IL1RAPL1: variants seen among roughly 807,000 people sequenced by gnomAD.
IL1RAPL1 encodes the protein interleukin 1 receptor accessory protein like 1.
In IL1RAPL1, 3 loss-of-function variants were observed where a neutral mutation model predicts 48.4. The ratio of observed to expected loss-of-function variants is 0.06; its 90% CI spans 0.03 to 0.16. The LOEUF (loss-of-function observed/expected upper bound fraction) is 0.16. Ranked by LOEUF, IL1RAPL1 falls within the 10% of genes least tolerant of loss-of-function variation. The probability of loss-of-function intolerance (pLI) is 1.00; values close to 1 mark genes in which losing one functional copy is unlikely to be tolerated. For missense variants in IL1RAPL1, 349 were observed against 530.6 expected (o/e 0.66, Z 3.36); for synonymous variants, 185 against 187.7 (o/e 0.99, Z 0.12).
chrX:29,340,989 C>T (rs1271531454), intron 3 of IL1RAPL1, among the ~76,000 whole-genome samples: 3 of 112,138 alleles, frequency 2.7e-5, no homozygotes, highest in Non-Finnish European at 5.6e-5. Flanking sequence ...ATGGGTTTAT[C>T]ATAATTCTGA....
At chrX:29,184,005 AAAAAC>A (rs961152439) in intron 2 of IL1RAPL1, among the ~76,000 whole-genome samples, 1 of 112,056 alleles carries the variant, frequency 8.9e-6, no homozygotes, top group Admixed American at 9.5e-5. Context: ...CCCTTTTTTT[AAAAAC>A]AAAACAAAAC....
At chrX:28,964,222 TC>T (rs1924862368) in intron 2 of IL1RAPL1, among the ~76,000 whole-genome samples, 1 of 111,803 alleles carries the variant, frequency 8.9e-6, no homozygotes, top group Non-Finnish European at 1.9e-5. Context: ...CATTTTTATT[TC>T]CAGGAATAAA....
At chrX:28,747,783 T>C (rs1227701189) in intron 1 of IL1RAPL1, among the ~76,000 whole-genome samples, 1 of 112,227 alleles carries the variant, frequency 8.9e-6, no homozygotes, top group Non-Finnish European at 1.9e-5. Flanking sequence ...TAACTATGTG[T>C]TCTGAGTATT....
rs148047111 is a variant in IL1RAPL1 at position 28,658,748 on chromosome X, C to T, written c.-25+70701C>T. ...ACTTGTTTTGAAAAAATCCAAATGC[C>T]GGCATTGTCCAGAAAAATTTAACGG... is the stretch of plus-strand genomic sequence containing the variant. On this transcript the variant is annotated intron_variant, in intron 1 of 10. Transcript: ENST00000378993. Among the ~76,000 whole-genome samples, 434 of 110,728 alleles carry T rather than the reference C, an allele frequency of 3.9e-3. 2 individuals carry two copies. Among genetic ancestry groups the T allele is most frequent in the African/African-American group, 0.013 (395 of 30,510 alleles).
At chrX:29,735,399 T>C (rs748189865) in intron 6 of IL1RAPL1, among the ~76,000 whole-genome samples, 5 of 112,031 alleles carry the variant, frequency 4.5e-5, no homozygotes, top group Middle Eastern at 4.6e-3. Context: ...CAATTCCATC[T>C]GCTATCTTAA....
intron 2 of IL1RAPL1, among the ~76,000 whole-genome samples, chrX:29,147,727 C>G (rs1602081006): frequency 1.8e-5 from 2 of 112,043 alleles, no homozygotes; most frequent in East Asian, 5.6e-4. Flanking sequence ...TAAGCTACCA[C>G]ATACAAAGAC....
rs60391165 is a variant in IL1RAPL1, at chrX:29,807,621, C to CAAAAAAA, written c.779-109821_779-109815dup. 8.1e-3 allele frequency among the ~76,000 whole-genome samples: 210 copies of CAAAAAAA among 26,019 alleles called. 6 individuals carry two copies. The highest frequency in any genetic ancestry group is 0.1 in the Middle Eastern group (1 of 10). The allele number at this position is 26,019 out of a possible 115,157, so 22.6% of individuals were successfully genotyped here. On this transcript the variant is annotated intron_variant, in intron 6 of 10. Transcript: ENST00000378993. ...CAGAGCAAGACTCTGTCTCTCAAGACAAAAAAAAAAAAAAAAAAAAAAAAA... is the reference window on the plus strand; with the variant it reads ...CAGAGCAAGACTCTGTCTCTCAAGACAAAAAAAAAAAAAAAAAAAAAAAAAAAAAAAA...
intron 6 of IL1RAPL1, among the ~76,000 whole-genome samples, chrX:29,738,700 G>A (rs1419300112): frequency 1.8e-5 from 2 of 110,986 alleles, no homozygotes; most frequent in African/African-American, 3.3e-5. Flanking sequence ...TCGGCCTCCC[G>A]AGGTGCTGAG....
chrX:29,511,892 C>T (rs749645487), intron 5 of IL1RAPL1, among the ~76,000 whole-genome samples: 54 of 110,871 alleles, frequency 4.9e-4, no homozygotes, highest in Non-Finnish European at 7.9e-4. Context: ...GAGCCATTAA[C>T]ATATTTTAGA....
At chrX:28,804,611 G>C (rs1184550422) in intron 2 of IL1RAPL1, among the ~76,000 whole-genome samples, 2 of 111,086 alleles carry the variant, frequency 1.8e-5, no homozygotes, top group East Asian at 5.7e-4. Context: ...TCCAGTCTCT[G>C]TAACCTTTAC....
intron 6 of IL1RAPL1, among the ~76,000 whole-genome samples, chrX:29,802,921 A>ATG (rs373340795): frequency 0.02 from 826 of 41,180 alleles, 188 homozygotes; most frequent in African/African-American, 0.041. Flanking sequence ...ATGTGTACAT[A>ATG]TATACATATA....
chrX:28,607,678 C>T (rs1200781006), intron 1 of IL1RAPL1, among the ~76,000 whole-genome samples: 1 of 110,688 alleles, frequency 9.0e-6, no homozygotes, highest in Admixed American at 9.8e-5. Flanking sequence ...TTTATTGCCA[C>T]TCGTGCCTAC....
chrX:28,780,333 ATGTGTG>A (rs1171085384), intron 1 of IL1RAPL1, among the ~76,000 whole-genome samples: 15 of 96,521 alleles, frequency 1.6e-4, no homozygotes, highest in East Asian at 3.4e-4. Context: ...GTGTGTGTGT[ATGTGTG>A]TGTGTGTGTG....
chrX:29,183,947 G>C (rs1028754088), intron 2 of IL1RAPL1, among the ~76,000 whole-genome samples: 1 of 111,714 alleles, frequency 9.0e-6, no homozygotes, highest in Non-Finnish European at 1.9e-5. Flanking sequence ...GCCCTTCTCG[G>C]CCTTCCAAAT....
chrX:28,817,640 G>A (rs1023165119), intron 2 of IL1RAPL1, among the ~76,000 whole-genome samples: 17 of 111,065 alleles, frequency 1.5e-4, no homozygotes, highest in Admixed American at 1.9e-4. Context: ...TACCCAAGCT[G>A]GATAAGATTT....
chrX:29,185,135 A>G (rs1930226193), intron 2 of IL1RAPL1, among the ~76,000 whole-genome samples: 1 of 112,483 alleles, frequency 8.9e-6, no homozygotes, highest in African/African-American at 3.2e-5. Flanking sequence ...TGATTTTAAA[A>G]ATTATATTTT....
chrX:29,719,361 C>A (rs1927568972), intron 6 of IL1RAPL1, among the ~76,000 whole-genome samples: 1 of 111,649 alleles, frequency 9.0e-6, no homozygotes, highest in African/African-American at 3.3e-5. Flanking sequence ...TTATGATTTA[C>A]TTTCCAAGGA....
At chrX:29,485,107 T>C (rs1331845030) in intron 5 of IL1RAPL1, among the ~76,000 whole-genome samples, 2 of 112,323 alleles carry the variant, frequency 1.8e-5, no homozygotes, top group Non-Finnish European at 3.8e-5. Context: ...TCTGACAAAG[T>C]TCAAATAATG....
intron 6 of IL1RAPL1, among the ~76,000 whole-genome samples, chrX:29,720,004 C>T (rs756885258): frequency 5.6e-4 from 63 of 111,865 alleles, no homozygotes; most frequent in African/African-American, 2.0e-3. Context: ...AAAGCACAGT[C>T]AACCGCTTCA....
Sources: gnomAD v4.1 joint callset for allele counts (sites outside exome capture counted in the v4.1 genomes callset) on GRCh38, gnomAD v4.1.1 for gene constraint, MANE v1.5 for transcripts, NCBI Gene and HGNC (gene_info 2026-07-23, HGNC 2026-07-21) for gene names.